Variants in SORBS2 observed in about 807,000 individuals in gnomAD.
The protein encoded by SORBS2 is sorbin and SH3 domain-containing protein 2.
In SORBS2, 46 loss-of-function variants were observed where a neutral mutation model predicts 97.7. That is an observed-to-expected ratio of 0.47 (90% CI 0.37 to 0.60). SORBS2 has a LOEUF of 0.60. SORBS2 is among the 20% of genes least tolerant of loss of function. The pLI is 0.00. For missense variants in SORBS2, 1,316 were observed against 1,282.3 expected (o/e 1.03, Z -0.40); for synonymous variants, 476 against 473.4 (o/e 1.01, Z -0.07).
chr4:185,836,722 T>C (rs1339054221), intron 1 of SORBS2, among the ~76,000 whole-genome samples: 1 of 152,210 alleles, frequency 6.6e-6, no homozygotes, highest in Non-Finnish European at 1.5e-5. Context: ...TGTGTAACTA[T>C]AATGTCAGTC....
rs1413637186 is a variant in SORBS2 at position 185,593,626 on chromosome 4, C to G, written c.2846+260G>C. The G allele has an allele frequency of 6.5e-6, 3 of 459,124 alleles. No homozygotes were observed. In the South Asian group the frequency reaches 8.4e-5, roughly 13 times the overall value. 28.4% of individuals were successfully genotyped at this position (459,124 alleles called of 1,614,324 possible). On this transcript the variant is annotated intron_variant, in intron 13 of 14. Coordinates refer to ENST00000418609, the Ensembl canonical transcript of SORBS2. The stretch of plus-strand genomic sequence containing the variant: ...CAGAGAGGGAGACAGAGTTATCCAT[C>G]TTAGGAATCACTGAAGCATTGGGAA...
At chr4:185,870,789 C>T (rs1037520683) in intron 1 of SORBS2, among the ~76,000 whole-genome samples, 1 of 152,210 alleles carries the variant, frequency 6.6e-6, no homozygotes, top group African/African-American at 2.4e-5. Flanking sequence ...TTTACAGACC[C>T]AGTGTCAATC....
intron 2 of SORBS2, among the ~76,000 whole-genome samples, chr4:185,689,801 C>T (rs189604271): frequency 1.2e-4 from 18 of 152,286 alleles, no homozygotes; most frequent in East Asian, 7.7e-4. Flanking sequence ...CATGGCGCGA[C>T]GGCTCAAACA....
chr4:185,955,701 T>C (rs924433162), intron 1 of SORBS2, among the ~76,000 whole-genome samples: 1 of 152,178 alleles, frequency 6.6e-6, no homozygotes, highest in Non-Finnish European at 1.5e-5. Context: ...AGTGAAAATA[T>C]GCAGTGTTCA....
chr4:185,745,165 G>A (rs889187234), intron 2 of SORBS2, among the ~76,000 whole-genome samples: 1 of 152,112 alleles, frequency 6.6e-6, no homozygotes, highest in African/African-American at 2.4e-5. Context: ...GGTGGATGTG[G>A]GACTAATCAG....
chr4:185,664,478 A>G (rs1189519236), intron 4 of SORBS2, among the ~76,000 whole-genome samples: 1 of 152,166 alleles, frequency 6.6e-6, no homozygotes, highest in East Asian at 1.9e-4. Context: ...TTTAAAAGCT[A>G]AGAACCATTG....
chr4:185,778,017 A>T (rs570483774), intron 1 of SORBS2, among the ~76,000 whole-genome samples: 24 of 152,354 alleles, frequency 1.6e-4, no homozygotes, highest in African/African-American at 5.8e-4. Flanking sequence ...TGAAAAAAGA[A>T]TGTAAATTAT....
chr4:185,624,336 C>A (rs773488824), exon 7 of SORBS2: 1 of 1,614,146 alleles, frequency 6.2e-7, no homozygotes, highest in South Asian at 1.1e-5. Flanking sequence ...TTTTGCCGGG[C>A]CATTTGCCAG....
chr4:185,680,688 C>T (rs1471101977), intron 2 of SORBS2, among the ~76,000 whole-genome samples: 2 of 152,000 alleles, frequency 1.3e-5, no homozygotes, highest in African/African-American at 2.4e-5. Flanking sequence ...TGTGTGTTAG[C>T]GCTGGGGACG....
At chr4:185,873,149 C>T (rs1348335784) in intron 1 of SORBS2, among the ~76,000 whole-genome samples, 5 of 152,214 alleles carry the variant, frequency 3.3e-5, no homozygotes, top group Admixed American at 6.5e-5. Context: ...TGAAGACTTA[C>T]AGAGCAGCCC....
chr4:185,602,177 T>C (rs1444124209), intron 12 of SORBS2, among the ~76,000 whole-genome samples: 1 of 152,162 alleles, frequency 6.6e-6, no homozygotes, highest in Non-Finnish European at 1.5e-5. Flanking sequence ...GTCCGGCTAA[T>C]TTTTGTATTT....
At chr4:185,631,847 C>T (rs926550418) in intron 4 of SORBS2, among the ~76,000 whole-genome samples, 4 of 152,056 alleles carry the variant, frequency 2.6e-5, no homozygotes, top group Non-Finnish European at 2.9e-5. Flanking sequence ...GAGATGTATA[C>T]CAAGTATAGA....
At chr4:185,644,465 A>G (rs2153452404) in intron 4 of SORBS2, among the ~76,000 whole-genome samples, 1 of 152,332 alleles carries the variant, frequency 6.6e-6, no homozygotes, top group South Asian at 2.1e-4. Context: ...AAGGGAATCA[A>G]ATAACTGCTA....
In SORBS2 at chr4:185,942,435, C is replaced by T. The variant is rs543330375; in HGVS notation, c.-338+13761G>A. On this transcript the variant is annotated intron_variant, in intron 1 of 20. Transcript: ENST00000284776. ...GTGTGATCTTGGCTCACTGCAACCT[C>T]TGCCTCCCGGGTTCGAGTGATTCTC... Among the ~76,000 whole-genome samples the T allele has an allele frequency of 2.0e-5, 3 of 151,918 alleles. No homozygotes were observed. In the East Asian group the frequency reaches 5.9e-4, roughly 30 times the overall value.
intron 4 of SORBS2, among the ~76,000 whole-genome samples, chr4:185,637,430 T>A (rs931086831): frequency 6.6e-6 from 1 of 152,224 alleles, no homozygotes; most frequent in Non-Finnish European, 1.5e-5. Flanking sequence ...TGATGACACA[T>A]TTCTCAGAAC....
intron 1 of SORBS2, among the ~76,000 whole-genome samples, chr4:185,955,054 C>G (rs1337499751): frequency 6.6e-6 from 1 of 152,166 alleles, no homozygotes; most frequent in African/African-American, 2.4e-5. Flanking sequence ...AATAACTACA[C>G]AAAGCATCTG....
chr4:185,618,509 G>A, intron 9 of SORBS2, 76 bp downstream of exon 21: 2 of 746,494 alleles, frequency 2.7e-6, no homozygotes, highest in Non-Finnish European at 4.3e-6. Flanking sequence ...AGATCCTACT[G>A]CAATGCTTAT....
At chr4:185,751,779 G>A (rs948139847) in intron 2 of SORBS2, among the ~76,000 whole-genome samples, 6 of 152,116 alleles carry the variant, frequency 3.9e-5, no homozygotes, top group African/African-American at 1.2e-4. Context: ...GGAGCAGTGG[G>A]GATAACAACT....
At chr4:185,818,859 G>A (rs569467397) in intron 1 of SORBS2, among the ~76,000 whole-genome samples, 1 of 152,040 alleles carries the variant, frequency 6.6e-6, no homozygotes, top group South Asian at 2.1e-4. Context: ...TTCCTTGTGA[G>A]GTTTAAAGTA....
Sources: allele counts gnomAD v4.1 joint callset (sites outside exome capture counted in the v4.1 genomes callset), GRCh38; gene constraint gnomAD v4.1.1; transcripts MANE v1.5; gene names NCBI Gene and HGNC (gene_info 2026-07-23, HGNC 2026-07-21).